DIP2A: variants seen among roughly 807,000 people sequenced by gnomAD.
DIP2A encodes disco-interacting protein 2 homolog A.
Under a neutral mutation model 177.4 loss-of-function variants are expected in DIP2A, and 85 were observed. The observed-to-expected ratio is 0.48, with a 90% CI of 0.40 to 0.57. The LOEUF (loss-of-function observed/expected upper bound fraction) is 0.57. Ranked by LOEUF, DIP2A falls within the 20% of genes least tolerant of loss-of-function variation. The probability of loss-of-function intolerance (pLI) is 0.00; values close to 1 mark genes in which losing one functional copy is unlikely to be tolerated. For missense variants in DIP2A, 1,791 were observed against 2,100.2 expected (o/e 0.85, Z 2.88); for synonymous variants, 886 against 881.8 (o/e 1.00, Z -0.08).
intron 7 of DIP2A, among the ~76,000 whole-genome samples, chr21:46,510,205 G>A (rs1320545161): frequency 2.0e-5 from 3 of 152,194 alleles, no homozygotes; most frequent in Non-Finnish European, 2.9e-5. Context: ...AGGGCAGGAA[G>A]CATCCAGCAC....
At chr21:46,517,731 C>T (rs1332162854) in intron 8 of DIP2A, among the ~76,000 whole-genome samples, 1 of 152,270 alleles carries the variant, frequency 6.6e-6, no homozygotes, top group Non-Finnish European at 1.5e-5. Flanking sequence ...CAGGAGGTGG[C>T]TGTGCTCTCG....
chr21:46,543,313 G>T (rs943133378), intron 18 of DIP2A, among the ~76,000 whole-genome samples: 1 of 152,214 alleles, frequency 6.6e-6, no homozygotes, highest in Non-Finnish European at 1.5e-5. Flanking sequence ...TCATGATGAG[G>T]TCATGATTCT....
rs1227747328 is a variant in DIP2A at position 46,506,723 on chromosome 21, TTTTTCTTTCTTTC to T, written c.784+2238_784+2250del. ...CTATTTTTTTTTTTAATTGTGCTTGTTTTTCTTTCTTTCTTTCTTTCTTTCTTTCTTTCTTTCT... is the reference window on the plus strand; with the variant it reads ...CTATTTTTTTTTTTAATTGTGCTTGTTTTCTTTCTTTCTTTCTTTCTTTCT... On this transcript the variant is annotated intron_variant, in intron 6 of 37. Coordinates refer to ENST00000417564, the MANE Select transcript of DIP2A (RefSeq NM_015151.4). Among the ~76,000 whole-genome samples, 86 of 59,854 alleles carry T rather than the reference TTTTTCTTTCTTTC, an allele frequency of 1.4e-3. 1 individual carries two copies. Among genetic ancestry groups the T allele is most frequent in the African/African-American group, 6.2e-3 (69 of 11,100 alleles). 39.3% of individuals were successfully genotyped at this position (59,854 alleles called of 152,430 possible).
In DIP2A at chr21:46,549,775, G is replaced by T. The variant is rs757881677; in HGVS notation, c.2527G>T (p.Ala843Ser). The stretch of plus-strand genomic sequence containing the variant: ...TTTCCATGTCTCATCCCGCAGGATC[G>T]CTGTGTTCTCTGTGACCGTGCTGCA... ...PMKFVYRGRI[A>S]VFSVTVLHDD... Residue 843 changes from alanine (A) to serine (S), a missense_variant, in exon 22 of 38, where the codon GCT (alanine) becomes TCT (serine). Physicochemically the swap from Ala to Ser is moderately conservative, Grantham distance 99. Transcript: ENST00000417564. The T allele has an allele frequency of 6.2e-7, 1 of 1,613,614 alleles. No individual in the cohort carries two copies. The highest frequency in any genetic ancestry group is 8.5e-7 in the Non-Finnish European group (1 of 1,180,008).
At chr21:46,574,562 T>C (rs1324032163), downstream of DIP2A, among the ~76,000 whole-genome samples, 1 of 152,064 alleles carries the variant, frequency 6.6e-6, no homozygotes, top group South Asian at 2.1e-4. Flanking sequence ...AAAATTGACA[T>C]TTTAGCTAGA....
At chr21:46,504,851 C>G (rs116585649) in intron 6 of DIP2A, among the ~76,000 whole-genome samples, 1 of 152,134 alleles carries the variant, frequency 6.6e-6, no homozygotes, top group Non-Finnish European at 1.5e-5. Context: ...TTAGTCAGTG[C>G]GAGTGCACAC....
the DIP2A span, among the ~76,000 whole-genome samples, chr21:46,575,260 A>G: frequency 6.6e-6 from 1 of 152,184 alleles, no homozygotes; most frequent in Admixed American, 6.5e-5. Context: ...ACAACTAGGA[A>G]TAAAAGGAAA....
Position 46,480,109 on chromosome 21 carries a change from TA to T in DIP2A, c.92-4647del, listed in dbSNP as rs1259263203. ...GTTTTCAAGTTTTATTATGGTCAGGTATTGTATTAGTCTGTTCTCATGCTGC... is the reference window on the plus strand; with the variant it reads ...GTTTTCAAGTTTTATTATGGTCAGGTTTGTATTAGTCTGTTCTCATGCTGC... On this transcript the variant is annotated intron_variant, in intron 1 of 37. Coordinates refer to ENST00000417564, the MANE Select transcript of DIP2A (RefSeq NM_015151.4). Among the ~76,000 whole-genome samples, 18 of 150,834 alleles carry T rather than the reference TA, an allele frequency of 1.2e-4. No individual in the cohort carries two copies. In the South Asian group the frequency reaches 3.8e-3, roughly 31 times the overall value.
chr21:46,472,359 C>T (rs2055463936), intron 1 of DIP2A, among the ~76,000 whole-genome samples: 1 of 152,318 alleles, frequency 6.6e-6, no homozygotes, highest in East Asian at 1.9e-4. Flanking sequence ...CCTGAACAGA[C>T]GGACACTCAG....
chr21:46,462,899 C>G (rs2054445869), intron 1 of DIP2A: 1 of 152,214 alleles, frequency 6.6e-6, no homozygotes, highest in Admixed American at 6.5e-5. Flanking sequence ...TCATCATCAA[C>G]CATAGTGATT....
chr21:46,530,802 C>T (rs1019135302), intron 9 of DIP2A, among the ~76,000 whole-genome samples: 1 of 152,066 alleles, frequency 6.6e-6, no homozygotes. Context: ...AGAAAAGAAT[C>T]CCAGAGCTTT....
intron 2 of DIP2A, among the ~76,000 whole-genome samples, 164 bp from the exon 3 acceptor site, chr21:46,490,436 C>T (rs1357582800): frequency 6.6e-6 from 1 of 152,174 alleles, no homozygotes. Context: ...TGGATGTTGC[C>T]CTTAACCCAC....
In DIP2A at chr21:46,518,311, A is replaced by G. The variant is rs189309316; in HGVS notation, c.1102+6697A>G. Among the ~76,000 whole-genome samples the G allele has an allele frequency of 9.2e-5, 14 of 152,158 alleles. No homozygotes were observed. In the East Asian group the frequency reaches 2.3e-3, roughly 25 times the overall value. ...GGTCTAGGGTTATGGGCACCTTCACATTGCTGAGATGGCATCACCGTTCTC... is the reference window on the plus strand; with the variant it reads ...GGTCTAGGGTTATGGGCACCTTCACGTTGCTGAGATGGCATCACCGTTCTC... On this transcript the variant is annotated intron_variant, in intron 8 of 37. Coordinates refer to ENST00000417564, the MANE Select transcript of DIP2A (RefSeq NM_015151.4).
chr21:46,527,438 G>A (rs1240497444), intron 8 of DIP2A, among the ~76,000 whole-genome samples: 1 of 143,996 alleles, frequency 6.9e-6, no homozygotes, highest in Non-Finnish European at 1.5e-5. Context: ...CAGTTCTCCT[G>A]CCTCGGCCTC....
rs773181999 is a variant in DIP2A at position 46,561,788 on chromosome 21, T to C, written c.4072T>C (p.Leu1358=). The C allele has an allele frequency of 6.2e-7, 1 of 1,613,942 alleles. No homozygotes were observed. The change falls in exon 34 of 38, where the codon TTG becomes CTG. Residue 1358 remains leucine (L), a synonymous_variant. Coordinates refer to ENST00000417564, the MANE Select transcript of DIP2A (RefSeq NM_015151.4). ...ACGGGGTTCTCCGCACAGCCTGCCATTGATGGAGTCTGGAAAGGTAGTGGA... is the reference window on the plus strand; with the variant it reads ...ACGGGGTTCTCCGCACAGCCTGCCACTGATGGAGTCTGGAAAGGTAGTGGA... ...VERGSPHSLP[L]MESGKILPGV...
intron 6 of DIP2A, among the ~76,000 whole-genome samples, chr21:46,505,207 T>G (rs1299352891): frequency 6.6e-6 from 1 of 152,230 alleles, no homozygotes. Flanking sequence ...TGAAGCAGTC[T>G]GTACATTGGC....
At position 46,568,620 on chromosome 21, in the gene DIP2A, AAGAT is replaced by A. The variant is rs2060898424; in HGVS notation, c.*1000_*1003del. 6.6e-6 allele frequency: 1 copy of A among 152,234 alleles called. No homozygotes were observed. The highest frequency in any genetic ancestry group is 2.4e-5 in the African/African-American group (1 of 41,462). 9.4% of individuals were successfully genotyped at this position (152,234 alleles called of 1,614,324 possible). ...TCAAATTTAGATGCTTTGTTTCAGA[AAGAT>A]AAGCCAGCATTTAGTTTTAAATCAC... On this transcript the variant is annotated 3_prime_UTR_variant, in exon 38 of 38. Transcript: ENST00000417564.
chr21:46,512,797 AT>A (rs1375440797), intron 8 of DIP2A, among the ~76,000 whole-genome samples: 9 of 135,696 alleles, frequency 6.6e-5, no homozygotes, highest in Non-Finnish European at 1.3e-4. Context: ...CACCCAGCTA[AT>A]TTAAAAAAAA....
chr21:46,550,469 G>A, intron 22 of DIP2A, 74 bp from the exon 23 acceptor site: 1 of 1,444,568 alleles, frequency 6.9e-7, no homozygotes, highest in Non-Finnish European at 9.5e-7. Flanking sequence ...CAGAGGGGAT[G>A]TTCCTGTCCC....
Sources: allele counts gnomAD v4.1 joint callset (sites outside exome capture counted in the v4.1 genomes callset), GRCh38; gene constraint gnomAD v4.1.1; transcripts MANE v1.5; gene names NCBI Gene and HGNC (gene_info 2026-07-23, HGNC 2026-07-21).